Variants in KCNMB3 observed in about 807,000 individuals in gnomAD.
KCNMB3 encodes the protein calcium-activated potassium channel subunit beta-3.
A neutral mutation model predicts 11.9 loss-of-function variants in KCNMB3; 18 were observed. The observed-to-expected ratio is 1.51, with a 90% CI of 1.04 to 2.23. The LOEUF (loss-of-function observed/expected upper bound fraction) is 2.23. Ranked by LOEUF, KCNMB3 falls within the 30% of genes most tolerant of loss-of-function variation. The pLI is 0.00. For synonymous variants in KCNMB3, 78 were observed against 119.2 expected (o/e 0.65, Z 2.25); for missense variants, 247 against 329.4 (o/e 0.75, Z 1.94).
intron 2 of KCNMB3, among the ~76,000 whole-genome samples, 153 bp from the exon 3 acceptor site, chr3:179,243,437 G>A (rs1166047638): frequency 6.6e-6 from 1 of 152,082 alleles, no homozygotes. Context: ...CATGGGAAAG[G>A]GTTGATTGGA....
upstream of KCNMB3, chr3:179,267,032 C>T (rs899382865): frequency 1.9e-5 from 14 of 720,986 alleles, no homozygotes; most frequent in Non-Finnish European, 2.3e-5. Flanking sequence ...CCTGTGTTTC[C>T]GCCTCGGCAG....
chr3:179,251,697 G>C, upstream of KCNMB3: 2 of 1,191,854 alleles, frequency 1.7e-6, no homozygotes, highest in Non-Finnish European at 1.1e-6. Context: ...GATGTGTTTT[G>C]TTTGGCCTTC....
At chr3:179,256,637 G>A (rs1726020274) in intron 1 of KCNMB3, among the ~76,000 whole-genome samples, 2 of 151,758 alleles carry the variant, frequency 1.3e-5, no homozygotes, top group Non-Finnish European at 2.9e-5. Context: ...ATGCTAAATA[G>A]AAATATCACC....
In KCNMB3 at chr3:179,257,213, T is replaced by C. The variant is rs139072797; in HGVS notation, c.63-6279A>G. Among the ~76,000 whole-genome samples, 337 of 152,348 alleles carry C rather than the reference T, an allele frequency of 2.2e-3. 1 individual carries two copies. In the East Asian group the frequency reaches 0.044, roughly 20 times the overall value. On this transcript the variant is annotated intron_variant, in intron 1 of 3. Transcript: ENST00000349697. ...GATTGTCAGACTAGATTTAAATACA[T>C]ATAGATGGTCCCCCAACTTAAGATG...
At chr3:179,264,644 G>A (rs1243338193) in intron 1 of KCNMB3, among the ~76,000 whole-genome samples, 1 of 152,158 alleles carries the variant, frequency 6.6e-6, no homozygotes, top group Non-Finnish European at 1.5e-5. Flanking sequence ...ATTACAAACA[G>A]CCTGAACACA....
upstream of KCNMB3, among the ~76,000 whole-genome samples, chr3:179,255,071 G>A (rs1725967727): frequency 6.6e-6 from 1 of 151,864 alleles, no homozygotes; most frequent in Non-Finnish European, 1.5e-5. Flanking sequence ...AGGCTGAGGT[G>A]GGACAATCAC....
intron 1 of KCNMB3, among the ~76,000 whole-genome samples, chr3:179,257,408 G>T (rs1445949045): frequency 6.6e-6 from 1 of 151,992 alleles, no homozygotes; most frequent in African/African-American, 2.4e-5. Context: ...CATTCATAAG[G>T]TACATTCCTT....
At position 179,242,838 on chromosome 3, in the gene KCNMB3, T is replaced by A; in HGVS notation, c.*66A>T. 6.6e-7 allele frequency: 1 copy of A among 1,512,138 alleles called. No individual in the cohort carries two copies. The highest frequency in any genetic ancestry group is 8.8e-7 in the Non-Finnish European group (1 of 1,133,072). 93.7% of individuals were successfully genotyped at this position (1,512,138 alleles called of 1,614,324 possible). A position where few individuals can be genotyped will look rare whatever the true frequency, so the allele number is the denominator to read the frequency against. The stretch of plus-strand genomic sequence containing the variant: ...TACATTATTAGTTTGCAGACAGGCA[T>A]AATTAGGTCCTCAGTTGCAGAAATC... On this transcript the variant is annotated 3_prime_UTR_variant, in exon 3 of 3. Transcript: ENST00000392685.
intron 1 of KCNMB3, among the ~76,000 whole-genome samples, chr3:179,262,509 T>C (rs974003159): frequency 1.3e-5 from 2 of 152,292 alleles, no homozygotes; most frequent in Middle Eastern, 3.4e-3. Flanking sequence ...AGTACCAAGA[T>C]TTATTGCAAA....
chr3:179,256,174 G>A (rs1464173930), upstream of KCNMB3, among the ~76,000 whole-genome samples: 1 of 152,230 alleles, frequency 6.6e-6, no homozygotes, highest in Admixed American at 6.5e-5. Flanking sequence ...AGTGGCTCAC[G>A]CCTGTAATCC....
At chr3:179,242,637 C>T (rs1475776781), downstream of KCNMB3, 13 of 352,892 alleles carry the variant, frequency 3.7e-5, no homozygotes, top group Non-Finnish European at 5.8e-5. Context: ...CAAAGAATAT[C>T]TTGAACTCAT....
rs367748160 is a variant in KCNMB3 at position 179,243,181 on chromosome 3, C to A, written c.551G>T (p.Cys184Phe). The A allele has an allele frequency of 5.7e-4, 838 of 1,466,750 alleles. No individual in the cohort carries two copies. Among genetic ancestry groups the A allele is most frequent in the Non-Finnish European group, 7.4e-4 (784 of 1,063,774 alleles). 90.9% of individuals were successfully genotyped at this position (1,466,750 alleles called of 1,614,324 possible). ...AGATTGGCTGGCTGGACTGTAGAAG[C>A]ATGAAAAGGGGGTTCCATTTTTGTG... ...FDHKNGTPFS[C>F]FYSPASQSED... Residue 184 changes from cysteine (C) to phenylalanine (F), a missense_variant, in exon 3 of 3, where the codon TGC becomes TTC. Around this residue, in one of 2 missense-constraint regions of KCNMB3, gnomAD observed 87 missense variants for 171.9 expected, o/e 0.51. Coordinates refer to ENST00000392685, the MANE Select transcript of KCNMB3 (RefSeq NM_171830.2).
intron 1 of KCNMB3, among the ~76,000 whole-genome samples, chr3:179,262,536 C>A (rs576406692): frequency 2.0e-5 from 3 of 152,340 alleles, no homozygotes; most frequent in African/African-American, 7.2e-5. Flanking sequence ...AGGAACAAAT[C>A]CTCCACAGCG....
intron 1 of KCNMB3, among the ~76,000 whole-genome samples, chr3:179,261,502 TGA>T (rs1726211836): frequency 6.9e-6 from 1 of 144,138 alleles, no homozygotes; most frequent in Non-Finnish European, 1.6e-5. Context: ...GGCCGCGGGC[TGA>T]GCCTGGCCGG....
intron 1 of KCNMB3, chr3:179,259,733 G>A (rs976432335): frequency 6.3e-7 from 1 of 1,593,110 alleles, no homozygotes; most frequent in African/African-American, 1.4e-5. Context: ...TCTTTTTCTT[G>A]TTCTTTCTCT....
chr3:179,255,096 T>A (rs976495218), upstream of KCNMB3, among the ~76,000 whole-genome samples: 4 of 151,646 alleles, frequency 2.6e-5, no homozygotes, highest in African/African-American at 7.3e-5. Flanking sequence ...ACCCAGAAGG[T>A]GGATGTTGCA....
intron 1 of KCNMB3, among the ~76,000 whole-genome samples, chr3:179,263,506 G>A (rs996461808): frequency 2.7e-5 from 4 of 150,346 alleles, no homozygotes; most frequent in East Asian, 3.8e-4. Flanking sequence ...GAGAGCGAGC[G>A]AGGGCTGCAA....
upstream of KCNMB3, among the ~76,000 whole-genome samples, chr3:179,253,811 A>C (rs560000521): frequency 1.0e-3 from 155 of 152,282 alleles, no homozygotes; most frequent in African/African-American, 3.4e-3. Flanking sequence ...ATCTCAAAAA[A>C]AAAAGTAAAT....
chr3:179,259,863 C>T (rs369864335), intron 1 of KCNMB3: 33 of 1,613,016 alleles, frequency 2.0e-5, no homozygotes, highest in South Asian at 1.8e-4. Context: ...CTGACCCTTG[C>T]TCTCAGTTCC....
Sources: allele counts gnomAD v4.1 joint callset (sites outside exome capture counted in the v4.1 genomes callset), GRCh38; gene constraint gnomAD v4.1.1; regional missense constraint gnomAD v4.1.1; transcripts MANE v1.5; gene names NCBI Gene and HGNC (gene_info 2026-07-23, HGNC 2026-07-21).